Variants in MYCBP2 observed in about 807,000 individuals in gnomAD.
The protein encoded by MYCBP2 is E3 ubiquitin-protein ligase MYCBP2.
Under a neutral mutation model 525.3 loss-of-function variants are expected in MYCBP2, and 120 were observed. The observed-to-expected ratio is 0.23, with a 90% CI of 0.20 to 0.27. The LOEUF is 0.27. MYCBP2 is among the 10% of genes least tolerant of loss of function. The pLI, the probability that MYCBP2 is intolerant of heterozygous loss-of-function variation, is 1.00. For synonymous variants in MYCBP2, 1,894 were observed against 1,955.8 expected (o/e 0.97, Z 0.83); for missense variants, 4,149 against 5,657.1 (o/e 0.73, Z 8.55).
chr13:77,099,850 A>G (rs1362860929), intron 55 of MYCBP2: 1 of 152,138 alleles, frequency 6.6e-6, no homozygotes, highest in Non-Finnish European at 1.5e-5. Flanking sequence ...ATGTTTCTGC[A>G]TGGACATTAA....
chr13:77,282,354 G>A (rs1185734242), intron 3 of MYCBP2, among the ~76,000 whole-genome samples: 2 of 151,504 alleles, frequency 1.3e-5, no homozygotes, highest in African/African-American at 4.9e-5. Context: ...AGGCTGCAGT[G>A]AGCCAAGATC....
intron 39 of MYCBP2, among the ~76,000 whole-genome samples, chr13:77,169,344 G>A (rs972674590): frequency 2.7e-5 from 4 of 150,068 alleles, no homozygotes; most frequent in Admixed American, 1.3e-4. Context: ...TGCAGTGAGC[G>A]GAGATCGCGC....
In MYCBP2 at chr13:77,162,969, T is replaced by A. The variant is rs184953410; in HGVS notation, c.6548-1014A>T. Reference sequence around the variant, plus strand: ...CTTTTTTGTAATATACAGAGTAATGTATGCAAAAATGGGACCTTCTTCTGC... The same window carrying A: ...CTTTTTTGTAATATACAGAGTAATGAATGCAAAAATGGGACCTTCTTCTGC... On this transcript the variant is annotated intron_variant, in intron 43 of 82. Coordinates refer to ENST00000544440, the MANE Select transcript of MYCBP2 (RefSeq NM_015057.5). Among the ~76,000 whole-genome samples, 4 of 152,308 alleles carry A rather than the reference T, an allele frequency of 2.6e-5. No homozygotes were observed. In the East Asian group the frequency reaches 7.7e-4, roughly 29 times the overall value.
chr13:77,144,623 G>A (rs907255497), intron 48 of MYCBP2, 63 bp from the exon 49 acceptor site: 31 of 1,052,980 alleles, frequency 2.9e-5, no homozygotes, highest in Middle Eastern at 2.0e-4. Flanking sequence ...ACATCATTAC[G>A]ATAGTTCAGC....
intron 8 of MYCBP2, among the ~76,000 whole-genome samples, chr13:77,264,486 G>A (rs2073796871): frequency 6.6e-6 from 1 of 152,050 alleles, no homozygotes. Flanking sequence ...AAAACCAGTT[G>A]TACATTTCCC....
rs376931021 is a variant in MYCBP2, at chr13:77,270,519, G to A, written c.965C>T (p.Ser322Leu). Reference sequence around the variant, plus strand: ...AACTGCTTGTACACTTCTCTGTAGCGAATTTAGAATTGTTGGCACCTAATC... The same window carrying A: ...AACTGCTTGTACACTTCTCTGTAGCAAATTTAGAATTGTTGGCACCTAATC... ...QTIQVPTILN[S>L]LQRSVQAVLV... Residue 322 changes from serine to leucine, a missense_variant, in exon 6 of 83, where the codon TCG (serine) becomes TTG (leucine). By Grantham distance (145) the Ser-to-Leu change is moderately radical (BLOSUM62 -2). Around this residue, in one of 21 missense-constraint regions of MYCBP2, gnomAD observed 413 missense variants for 451.2 expected, o/e 0.92. Transcript: ENST00000544440. 19 of 1,605,258 alleles carry A rather than the reference G, an allele frequency of 1.2e-5. No homozygotes were observed. Among genetic ancestry groups the A allele is most frequent in the African/African-American group, 5.4e-5 (4 of 74,558 alleles).
chr13:77,190,556 C>T (rs993991678), intron 28 of MYCBP2, among the ~76,000 whole-genome samples: 1 of 152,266 alleles, frequency 6.6e-6, no homozygotes, highest in Middle Eastern at 3.4e-3. Flanking sequence ...GAGTAGCTGT[C>T]CTGTCCCTCC....
chr13:77,096,040 A>G (rs1472963545), intron 57 of MYCBP2, among the ~76,000 whole-genome samples: 1 of 152,154 alleles, frequency 6.6e-6, no homozygotes, highest in East Asian at 1.9e-4. Context: ...AGAATAACAG[A>G]CAATTAATAA....
intron 79 of MYCBP2, 94 bp from the exon 80 acceptor site, chr13:77,055,861 AAGATAACCAGAC>A (rs1434727920): frequency 1.1e-5 from 9 of 817,394 alleles, no homozygotes; most frequent in African/African-American, 1.0e-4. Context: ...ATTGTGCTAG[AAGATAACCAGAC>A]AGCACACATA....
intron 17 of MYCBP2, among the ~76,000 whole-genome samples, chr13:77,238,580 A>G (rs1180230722): frequency 1.3e-5 from 2 of 152,216 alleles, no homozygotes; most frequent in Admixed American, 1.3e-4. Context: ...AAAAAAGACA[A>G]GTTATCACAA....
At chr13:77,172,963 C>G (rs1255290571) in intron 37 of MYCBP2, among the ~76,000 whole-genome samples, 1 of 152,156 alleles carries the variant, frequency 6.6e-6, no homozygotes, top group East Asian at 1.9e-4. Flanking sequence ...GTACCTACCT[C>G]CTGGGGTTAC....
At chr13:77,235,797 C>G (rs2067831117) in intron 17 of MYCBP2, among the ~76,000 whole-genome samples, 1 of 151,632 alleles carries the variant, frequency 6.6e-6, no homozygotes, top group South Asian at 2.1e-4. Flanking sequence ...GAGAAGCTAA[C>G]AAAACTTGAG....
chr13:77,267,242 A>G (rs533415870), intron 8 of MYCBP2, among the ~76,000 whole-genome samples: 34 of 152,038 alleles, frequency 2.2e-4, no homozygotes, highest in African/African-American at 7.5e-4. Flanking sequence ...GATTTAAGTG[A>G]ATATATAAAA....
rs1423032109 is a variant in MYCBP2 at position 77,326,814 on chromosome 13, G to A, written c.-39C>T. ...GCCGCCGCCGCCGCCTCGTCCCCGC[G>A]GGCCGGGCGGGCAGACACGCGCGCG... On this transcript the variant is annotated 5_prime_UTR_variant, in exon 1 of 83. Transcript: ENST00000544440. The surrounding 1 kb of genome is among the most constrained non-coding windows in gnomAD (Gnocchi z 4.2). 9 of 1,385,272 alleles carry A rather than the reference G, an allele frequency of 6.5e-6. No individual in the cohort carries two copies. The highest frequency in any genetic ancestry group is 8.3e-6 in the Non-Finnish European group (9 of 1,082,416). 85.8% of individuals were successfully genotyped at this position (1,385,272 alleles called of 1,614,324 possible). A position where few individuals can be genotyped will look rare whatever the true frequency, so the allele number is the denominator to read the frequency against.
In MYCBP2 at chr13:77,293,374, T is replaced by C. The variant is rs189165954; in HGVS notation, c.378+3225A>G. Reference sequence around the variant, plus strand: ...ATGTGTATCATTATCAGTTAACTCTTGTGTAACTCTCTTTGGCAGCACATG... The same window carrying C: ...ATGTGTATCATTATCAGTTAACTCTCGTGTAACTCTCTTTGGCAGCACATG... On this transcript the variant is annotated intron_variant, in intron 2 of 82. Transcript: ENST00000544440. Among the ~76,000 whole-genome samples the C allele has an allele frequency of 3.0e-4, 45 of 152,310 alleles. No homozygotes were observed. The East Asian group carries it at 8.5e-3, about 29-fold the overall frequency.
intron 1 of MYCBP2, among the ~76,000 whole-genome samples, chr13:77,319,053 T>C (rs767847390): frequency 2.0e-5 from 3 of 152,130 alleles, no homozygotes; most frequent in East Asian, 1.9e-4. Flanking sequence ...AAATATCCCA[T>C]GGTATTCTTT....
chr13:77,203,433 G>A (rs1015332372), intron 26 of MYCBP2, among the ~76,000 whole-genome samples: 4 of 152,086 alleles, frequency 2.6e-5, no homozygotes, highest in African/African-American at 7.2e-5. Context: ...ATGCTCATGG[G>A]TAGGAAGAAT....
In MYCBP2 at chr13:77,326,801, G is replaced by T; in HGVS notation, c.-26C>A. On this transcript the variant is annotated 5_prime_UTR_variant, in exon 1 of 83. Transcript: ENST00000544440. The surrounding 1 kb of genome is among the most constrained non-coding windows in gnomAD (Gnocchi z 4.2). The stretch of plus-strand genomic sequence containing the variant: ...CCTCGCCGCCGCCGCCGCCGCCGCC[G>T]CCTCGTCCCCGCGGGCCGGGCGGGC... The T allele has an allele frequency of 1.4e-6, 2 of 1,397,130 alleles. No individual in the cohort carries two copies. The highest frequency in any genetic ancestry group is 1.8e-6 in the Non-Finnish European group (2 of 1,088,572). 86.5% of individuals were successfully genotyped at this position (1,397,130 alleles called of 1,614,324 possible).
chr13:77,210,740 C>A (rs1191970372), intron 23 of MYCBP2, among the ~76,000 whole-genome samples: 2 of 152,138 alleles, frequency 1.3e-5, no homozygotes, highest in Admixed American at 6.5e-5. Context: ...AGAATGAATT[C>A]TATACAATAT....
Sources: gnomAD v4.1 joint callset for allele counts (sites outside exome capture counted in the v4.1 genomes callset) on GRCh38, gnomAD v4.1.1 for gene constraint, gnomAD v4.1.1 regional missense constraint, Gnocchi (gnomAD v3.1) non-coding constraint, MANE v1.5 for transcripts, NCBI Gene and HGNC (gene_info 2026-07-23, HGNC 2026-07-21) for gene names.